TTC3: variants seen among roughly 807,000 people sequenced by gnomAD.
The protein encoded by TTC3 is E3 ubiquitin-protein ligase TTC3.
A neutral mutation model predicts 249.6 loss-of-function variants in TTC3; 180 were observed. That is an observed-to-expected ratio of 0.72 (90% CI 0.64 to 0.82). The LOEUF (loss-of-function observed/expected upper bound fraction) is 0.82, where lower values mean the gene tolerates loss of function less well. Among genes scored for constraint, TTC3 ranks in the 40% least tolerant of loss-of-function variants. The pLI is 0.00. For synonymous variants in TTC3, 717 were observed against 805.0 expected, an observed-to-expected ratio of 0.89 and a Z score of 1.85; for missense variants, 2,061 against 2,398.4, an observed-to-expected ratio of 0.86 and a Z score of 2.94.
At chr21:37,180,295 C>G (rs952411713) in intron 35 of TTC3, among the ~76,000 whole-genome samples, 1 of 152,124 alleles carries the variant, frequency 6.6e-6, no homozygotes. Flanking sequence ...ATATTACTCT[C>G]ACTCATGGTT....
At chr21:37,169,522 C>T (rs1436309682) in intron 34 of TTC3, among the ~76,000 whole-genome samples, 1 of 151,450 alleles carries the variant, frequency 6.6e-6, no homozygotes, top group Non-Finnish European at 1.5e-5. Context: ...CCAGCCTGGG[C>T]GACAGAGTGA....
chr21:37,082,454 A>G, intron 1 of TTC3: 1 of 983,834 alleles, frequency 1.0e-6, no homozygotes, highest in Non-Finnish European at 1.2e-6. Flanking sequence ...TAATTTGAGG[A>G]TGCTTGCTTT....
intron 16 of TTC3, among the ~76,000 whole-genome samples, chr21:37,130,852 A>G (rs2147914986): frequency 6.6e-6 from 1 of 152,066 alleles, no homozygotes; most frequent in East Asian, 1.9e-4. Context: ...TTGCACATAC[A>G]CCTTTGTGCA....
At chr21:37,141,482 T>A (rs2078456835) in intron 20 of TTC3, among the ~76,000 whole-genome samples, 2 of 152,060 alleles carry the variant, frequency 1.3e-5, no homozygotes, top group African/African-American at 4.8e-5. Flanking sequence ...AAGAAAGTTT[T>A]TTTTTGGCCA....
intron 14 of TTC3, among the ~76,000 whole-genome samples, chr21:37,125,620 G>T (rs1330096356): frequency 6.6e-6 from 1 of 151,506 alleles, no homozygotes; most frequent in Non-Finnish European, 1.5e-5. Flanking sequence ...TTTAATAATT[G>T]ATTATATTTA....
chr21:37,102,907 G>T (rs1018983087), intron 10 of TTC3, among the ~76,000 whole-genome samples: 14 of 152,242 alleles, frequency 9.2e-5, no homozygotes, highest in African/African-American at 3.4e-4. Context: ...TGAGGCAAGA[G>T]AATTGCTTGA....
At chr21:37,085,621 G>A (rs150027397) in intron 1 of TTC3, among the ~76,000 whole-genome samples, 65 of 152,312 alleles carry the variant, frequency 4.3e-4, no homozygotes, top group African/African-American at 1.4e-3. Flanking sequence ...AACTGGTTTC[G>A]ACCCAGGTAG....
At position 37,135,595 on chromosome 21, in the gene TTC3, A is replaced by G. The variant is rs1392577763; in HGVS notation, c.1578+81A>G. 4.0e-6 allele frequency: 6 copies of G among 1,500,772 alleles called. No individual in the cohort carries two copies. In the Admixed American group the frequency reaches 1.1e-4, roughly 27 times the overall value. 93.0% of individuals were successfully genotyped at this position (1,500,772 alleles called of 1,614,324 possible). A position where few individuals can be genotyped will look rare whatever the true frequency, so the allele number is the denominator to read the frequency against. ...CAGAAGAGAACCAAGGGCTTAACTC[A>G]TTGTAGTAATGTACCTAAGACCTTG... On this transcript the variant is annotated intron_variant, in intron 18 of 45. Transcript: ENST00000355666.
chr21:37,131,095 A>C (rs1429969722), intron 16 of TTC3, among the ~76,000 whole-genome samples: 1 of 152,206 alleles, frequency 6.6e-6, no homozygotes, highest in Non-Finnish European at 1.5e-5. Flanking sequence ...CAGAGCTCCC[A>C]AAACCCATGG....
intron 27 of TTC3, among the ~76,000 whole-genome samples, chr21:37,156,082 G>A (rs1253024578): frequency 6.6e-6 from 1 of 151,640 alleles, no homozygotes; most frequent in Non-Finnish European, 1.5e-5. Flanking sequence ...CATCACCCAG[G>A]CTGGAGTGCA....
At chr21:37,161,697 T>C (rs1023060545) in intron 30 of TTC3, among the ~76,000 whole-genome samples, 1 of 152,234 alleles carries the variant, frequency 6.6e-6, no homozygotes, top group Non-Finnish European at 1.5e-5. Context: ...AATACAACTT[T>C]TATTTTTATC....
At chr21:37,197,814 G>A (rs989884043) in intron 43 of TTC3, 68 bp from the exon 44 acceptor site, 58 of 1,566,682 alleles carry the variant, frequency 3.7e-5, no homozygotes, top group Non-Finnish European at 4.7e-5. Context: ...GACAGAAGAT[G>A]GTCAAGTTGT....
At chr21:37,148,708 C>G (rs974136414) in intron 23 of TTC3, 61 bp downstream of exon 23, 1 of 1,096,922 alleles carries the variant, frequency 9.1e-7, no homozygotes, top group East Asian at 2.7e-5. Context: ...AATTTTTCCC[C>G]CAAGAATTCC....
At chr21:37,181,789 G>A (rs1354643593) in intron 35 of TTC3, among the ~76,000 whole-genome samples, 1 of 152,102 alleles carries the variant, frequency 6.6e-6, no homozygotes, top group Admixed American at 6.6e-5. Flanking sequence ...TTTGACCTGA[G>A]GGCCATGATT....
intron 41 of TTC3, among the ~76,000 whole-genome samples, chr21:37,193,365 G>GAA (rs5843814): frequency 0.19 from 28,703 of 149,458 alleles, 3,173 homozygotes; most frequent in African/African-American, 0.28. Context: ...GAATTCATCT[G>GAA]AAAAAAAAAA....
At chr21:37,137,698 TGAAA>T (rs1312238979) in intron 18 of TTC3, among the ~76,000 whole-genome samples, 1 of 152,176 alleles carries the variant, frequency 6.6e-6, no homozygotes, top group Non-Finnish European at 1.5e-5. Context: ...ACTCCAATTT[TGAAA>T]GAAGTTCTAG....
chr21:37,135,856 T>C (rs890428212), intron 18 of TTC3, among the ~76,000 whole-genome samples: 10 of 152,232 alleles, frequency 6.6e-5, no homozygotes, highest in African/African-American at 2.4e-4. Context: ...TTTATTGTAC[T>C]TTGCAGACAA....
chr21:37,143,803 T>C (rs1303937827), intron 20 of TTC3, among the ~76,000 whole-genome samples: 3 of 125,188 alleles, frequency 2.4e-5, no homozygotes, highest in African/African-American at 6.6e-5. Context: ...CATATGTTTA[T>C]TGCGGCACTA....
intron 11 of TTC3, among the ~76,000 whole-genome samples, chr21:37,108,689 G>A (rs1264999657): frequency 3.3e-5 from 5 of 152,130 alleles, no homozygotes; most frequent in African/African-American, 9.7e-5. Flanking sequence ...GTGATTGAGA[G>A]GTCATCTCTG....
Sources: gnomAD v4.1 joint callset for allele counts (sites outside exome capture counted in the v4.1 genomes callset) on GRCh38, gnomAD v4.1.1 for gene constraint, MANE v1.5 for transcripts, NCBI Gene and HGNC (gene_info 2026-07-23, HGNC 2026-07-21) for gene names.